SF1: variants seen among roughly 807,000 people sequenced by gnomAD.
SF1 encodes branch point-binding protein.
Under a neutral mutation model 62.5 loss-of-function variants are expected in SF1, and 7 were observed. That is an observed-to-expected ratio of 0.11 (90% CI 0.06 to 0.21). The LOEUF is 0.21. SF1 is among the 10% of genes least tolerant of loss of function. SF1 has a pLI of 1.00. For missense variants in SF1, 578 were observed against 884.0 expected, an observed-to-expected ratio of 0.65 and a Z score of 4.39; for synonymous variants, 394 against 323.6, an observed-to-expected ratio of 1.22 and a Z score of -2.33.
At chr11:64,773,607 C>T in intron 2 of SF1, 102 bp from the exon 3 acceptor site, 1 of 1,342,524 alleles carries the variant, frequency 7.4e-7, no homozygotes, top group Non-Finnish European at 1.0e-6. Context: ...AACTCGGAGA[C>T]TTTGAAAGGG....
intron 1 of SF1, chr11:64,777,994 G>A (rs1169093042): frequency 3.3e-5 from 33 of 996,432 alleles, no homozygotes; most frequent in Non-Finnish European, 3.6e-5. Flanking sequence ...CACCTCCTCC[G>A]CCGCCGGCCG....
rs1938112924 is a variant in SF1 at position 64,770,324 on chromosome 11, C to T, written c.321G>A (p.Glu107=). The change falls in exon 4 of 13, where the codon GAG becomes GAA. Residue 107 remains glutamate (E), a synonymous_variant. Coordinates refer to ENST00000377390, the MANE Select transcript of SF1 (RefSeq NM_004630.4). ...TCTCTGTGATGAGGTTGTGCCGCTC[C>T]TCTTCCAGCTTTTTGCGGGTGCGGA... ...REFRTRKKLE[E]ERHNLITEMV... 1 of 1,614,140 alleles carries T rather than the reference C, an allele frequency of 6.2e-7. No homozygotes were observed. Among genetic ancestry groups the T allele is most frequent in the Non-Finnish European group, 8.5e-7 (1 of 1,180,028 alleles).
At position 64,765,200 on chromosome 11, in the gene SF1, TG is replaced by T. The variant is rs1207603584; in HGVS notation, c.*617del. ...CCAAAACCATTTGCTCCCCTCTCCTTGGTAAGGGAAGGAGAACTGGAGAGAA... is the reference window on the plus strand; with the variant it reads ...CCAAAACCATTTGCTCCCCTCTCCTTGTAAGGGAAGGAGAACTGGAGAGAA... On this transcript the variant is annotated 3_prime_UTR_variant, in exon 13 of 13. Coordinates refer to ENST00000377390, the MANE Select transcript of SF1 (RefSeq NM_004630.4). 2.6e-6 allele frequency: 1 copy of T among 386,108 alleles called. No individual in the cohort carries two copies. Among genetic ancestry groups the T allele is most frequent in the East Asian group, 4.2e-5 (1 of 23,724 alleles). The allele number at this position is 386,108 out of a possible 1,614,324, so 23.9% of individuals were successfully genotyped here. A position where few individuals can be genotyped will look rare whatever the true frequency, so the allele number is the denominator to read the frequency against.
intron 3 of SF1, among the ~76,000 whole-genome samples, chr11:64,771,146 C>T (rs1938255821): frequency 6.6e-6 from 1 of 152,188 alleles, no homozygotes; most frequent in African/African-American, 2.4e-5. Context: ...AACCTGCAAA[C>T]AGCAAGGGGA....
At chr11:64,771,913 T>G in intron 3 of SF1, 1 of 985,414 alleles carries the variant, frequency 1.0e-6, no homozygotes. Context: ...CAAAACTGAA[T>G]AGAAGGGAGG....
At chr11:64,766,213 G>A (rs2058653553) in intron 12 of SF1, 58 bp from the exon 13 acceptor site, 17 of 1,477,070 alleles carry the variant, frequency 1.2e-5, no homozygotes, top group Non-Finnish European at 1.3e-5. Flanking sequence ...GGCTGTCTGC[G>A]GCTGCTGCCT....
chr11:64,777,886 G>T, intron 1 of SF1: 1 of 938,336 alleles, frequency 1.1e-6, no homozygotes, highest in Non-Finnish European at 1.3e-6. Context: ...GCGCGCACGC[G>T]CGCCCCTGCC....
intron 2 of SF1, among the ~76,000 whole-genome samples, chr11:64,774,547 C>T (rs1236141100): frequency 6.6e-6 from 1 of 152,208 alleles, no homozygotes; most frequent in Non-Finnish European, 1.5e-5. Context: ...ACTGAGCTGG[C>T]TCCAAGATAG....
rs941753762 is a variant in SF1, at chr11:64,765,760, G to A, written c.*58C>T. 29 of 1,484,148 alleles carry A rather than the reference G, an allele frequency of 2.0e-5. No individual in the cohort carries two copies. Among genetic ancestry groups the A allele is most frequent in the Middle Eastern group, 2.5e-4 (1 of 4,036 alleles). 91.9% of individuals were successfully genotyped at this position (1,484,148 alleles called of 1,614,324 possible). A position where few individuals can be genotyped will look rare whatever the true frequency, so the allele number is the denominator to read the frequency against. ...CTGGCTCCATATGGTGAGGTTCGGC[G>A]TGTTTAAACGAGACCAATTCTCTCT... is the stretch of plus-strand genomic sequence containing the variant. On this transcript the variant is annotated 3_prime_UTR_variant, in exon 13 of 13. Coordinates refer to ENST00000377390, the MANE Select transcript of SF1 (RefSeq NM_004630.4).
chr11:64,777,091 C>A (rs1382799139), intron 1 of SF1, among the ~76,000 whole-genome samples: 1 of 152,220 alleles, frequency 6.6e-6, no homozygotes, highest in Non-Finnish European at 1.5e-5. Flanking sequence ...CACAACTAAA[C>A]CTAGTTACAC....
rs1338248441 is a variant in SF1, at chr11:64,768,184, G to T, written c.990C>A (p.Gly330=). ...GTGTGGTGGCAGGCCCAGAGGTGGA[G>T]CCCACAGATGCTGGGACAGGTGCTT... ...LGEAPVPASV[G]STSGPATTPL... The change falls in exon 9 of 13, where the codon GGC becomes GGA. Residue 330 remains glycine (G), a synonymous_variant. Transcript: ENST00000377390. 1 of 1,614,066 alleles carries T rather than the reference G, an allele frequency of 6.2e-7. No individual in the cohort carries two copies. Among genetic ancestry groups the T allele is most frequent in the South Asian group, 1.1e-5 (1 of 91,062 alleles).
In SF1 at chr11:64,767,753, G is replaced by A; in HGVS notation, c.1160C>T (p.Pro387Leu). The A allele has an allele frequency of 6.2e-7, 1 of 1,613,348 alleles. No individual in the cohort carries two copies. The highest frequency in any genetic ancestry group is 8.5e-7 in the Non-Finnish European group (1 of 1,179,632). The change falls in exon 10 of 13, where the codon CCT becomes CTT. Residue 387 changes from proline (P) to leucine (L), a missense_variant. Pro to Leu is a moderately conservative substitution (Grantham distance 98). Transcript: ENST00000377390. Reference protein sequence around the residue: ...RPYHGMHGGGPGGPGGGPHSF... With the variant: ...RPYHGMHGGGLGGPGGGPHSF... ...GTGGGGGCCACCTCCGGGCCCACCA[G>A]GACCACCTCCATGCATGCCGTGGTA...
At chr11:64,766,824 T>A in intron 12 of SF1, 76 bp downstream of exon 12, 1 of 1,216,692 alleles carries the variant, frequency 8.2e-7, no homozygotes, top group African/African-American at 1.5e-5. Flanking sequence ...CCTGCCTGCT[T>A]GTGTGAGGCT....
At chr11:64,766,435 T>G in intron 12 of SF1, 7 of 506,032 alleles carry the variant, frequency 1.4e-5, no homozygotes, top group East Asian at 7.3e-5. Context: ...ACAGCTCTGA[T>G]GTCCCTCCGC....
intron 2 of SF1, among the ~76,000 whole-genome samples, chr11:64,773,795 T>A (rs1030123130): frequency 6.6e-6 from 1 of 152,184 alleles, no homozygotes; most frequent in Non-Finnish European, 1.5e-5. Context: ...CAAGCAATTA[T>A]TAGGAGGTGT....
Position 64,765,301 on chromosome 11 carries a change from TAAA to T in SF1, c.*514_*516del, listed in dbSNP as rs1335517043. 1.6e-6 allele frequency: 1 copy of T among 630,372 alleles called. No individual in the cohort carries two copies. The highest frequency in any genetic ancestry group is 2.9e-6 in the Non-Finnish European group (1 of 347,802). The allele number at this position is 630,372 out of a possible 1,614,324, so 39.0% of individuals were successfully genotyped here. ...GACGGAGTCTGAAGAAAGGAAAAGA[TAAA>T]GAAGTAACAAAGGAAAAAGAAAAAA... is the stretch of plus-strand genomic sequence containing the variant. On this transcript the variant is annotated 3_prime_UTR_variant, in exon 13 of 13. Coordinates refer to ENST00000377390, the MANE Select transcript of SF1 (RefSeq NM_004630.4).
rs2058523028 is a variant in SF1 at position 64,764,726 on chromosome 11, A to C, written c.*1092T>G. 1 of 152,714 alleles carries C rather than the reference A, an allele frequency of 6.5e-6. No individual in the cohort carries two copies. Among genetic ancestry groups the C allele is most frequent in the Non-Finnish European group, 1.5e-5 (1 of 68,112 alleles). 9.5% of individuals were successfully genotyped at this position (152,714 alleles called of 1,614,324 possible). On this transcript the variant is annotated 3_prime_UTR_variant, in exon 13 of 13. Coordinates refer to ENST00000377390, the MANE Select transcript of SF1 (RefSeq NM_004630.4). ...AGATAAACCAGTGAAGAGAACGCGC[A>C]GTATACATTATTGTCAACAGAATCA...
In SF1 at chr11:64,773,187, T is replaced by C. The variant is rs665362; in HGVS notation, c.236+243A>G. On this transcript the variant is annotated intron_variant, in intron 3 of 12. Transcript: ENST00000377390. ...AGGTTAAGATCTACATGCTTACCAATTGGAAACCAGTTGTCCATTTTCCTG... is the reference window on the plus strand; with the variant it reads ...AGGTTAAGATCTACATGCTTACCAACTGGAAACCAGTTGTCCATTTTCCTG... The C allele has an allele frequency of 1.1e-3, 1,428 of 1,340,664 alleles. 21 individuals carry two copies. The African/African-American group carries it at 0.02, about 18-fold the overall frequency. 83.0% of individuals were successfully genotyped at this position (1,340,664 alleles called of 1,614,324 possible). A position where few individuals can be genotyped will look rare whatever the true frequency, so the allele number is the denominator to read the frequency against.
chr11:64,766,709 A>C, intron 12 of SF1, 191 bp downstream of exon 12: 1 of 477,900 alleles, frequency 2.1e-6, no homozygotes, highest in Non-Finnish European at 3.6e-6. Flanking sequence ...AGACACAACC[A>C]CACCAAACAT....
Sources: allele counts gnomAD v4.1 joint callset (sites outside exome capture counted in the v4.1 genomes callset), GRCh38; gene constraint gnomAD v4.1.1; transcripts MANE v1.5; gene names NCBI Gene and HGNC (gene_info 2026-07-23, HGNC 2026-07-21).